BAZ2A: variants seen among roughly 807,000 people sequenced by gnomAD.
The protein encoded by BAZ2A is bromodomain adjacent to zinc finger domain 2A.
In BAZ2A, 34 loss-of-function variants were observed where a neutral mutation model predicts 199.9. That is an observed-to-expected ratio of 0.17 (90% CI 0.13 to 0.23). The LOEUF is 0.23. Ranked by LOEUF, BAZ2A falls within the 10% of genes least tolerant of loss-of-function variation. The probability of loss-of-function intolerance (pLI) is 1.00; values close to 1 mark genes in which losing one functional copy is unlikely to be tolerated. For missense variants in BAZ2A, 2,002 were observed against 2,391.1 expected (o/e 0.84, Z 3.39); for synonymous variants, 857 against 883.9 (o/e 0.97, Z 0.54).
intron 15 of BAZ2A, 132 bp from the exon 16 acceptor site, chr12:56,604,423 G>A: frequency 7.8e-7 from 1 of 1,287,250 alleles, no homozygotes; most frequent in Non-Finnish European, 1.1e-6. Flanking sequence ...AGAAGGCTTA[G>A]GCTCTCCCAG....
intron 3 of BAZ2A, 121 bp downstream of exon 3, chr12:56,614,893 C>T: frequency 1.9e-6 from 2 of 1,053,152 alleles, no homozygotes; most frequent in South Asian, 1.5e-5. Context: ...TAATCACCAA[C>T]ATGCAAATCA....
chr12:56,610,548 A>G (rs755638036), intron 7 of BAZ2A, 31 bp from the exon 8 acceptor site: 5 of 1,588,696 alleles, frequency 3.1e-6, no homozygotes, highest in Admixed American at 1.8e-5. Flanking sequence ...CCCTGCCGCC[A>G]GGTCACACCC....
In BAZ2A at chr12:56,615,587, C is replaced by G; in HGVS notation, c.157G>C (p.Val53Leu). The change falls in exon 3 of 29, where the codon GTT (valine) becomes CTT (leucine). Residue 53 changes from valine to leucine, a missense_variant. Physicochemically the swap from Val to Leu is conservative, Grantham distance 32 (BLOSUM62 1). Around this residue, in one of 6 missense-constraint regions of BAZ2A, gnomAD observed 641 missense variants for 694.5 expected, o/e 0.92. Coordinates refer to ENST00000549884, the MANE Select transcript of BAZ2A (RefSeq NM_001300905.2). ...QGKSLNGDVN[V>L]NGLSTVSHTT... ...TGAGATACAGTAGATAAGCCATTAA[C>G]ATTCACATCCCCATTCAAACCTGGC... 1.2e-6 allele frequency: 2 copies of G among 1,602,554 alleles called. No homozygotes were observed. The highest frequency in any genetic ancestry group is 1.7e-6 in the Non-Finnish European group (2 of 1,173,178).
At chr12:56,599,899 C>T in intron 25 of BAZ2A, 51 bp from the exon 26 acceptor site, 1 of 1,613,214 alleles carries the variant, frequency 6.2e-7, no homozygotes. Flanking sequence ...CTCTACCTGC[C>T]AGTGACCCCA....
chr12:56,621,477 T>C (rs960316697), intron 1 of BAZ2A, among the ~76,000 whole-genome samples: 1 of 152,152 alleles, frequency 6.6e-6, no homozygotes, highest in Non-Finnish European at 1.5e-5. Context: ...GTCAGCACAA[T>C]GTAGTGGGCT....
At chr12:56,635,052 A>G, upstream of BAZ2A, 1 of 984,384 alleles carries the variant, frequency 1.0e-6, no homozygotes, top group Non-Finnish European at 1.2e-6. This position sits in a 1 kb window ranked among gnomAD's most constrained non-coding sequence, Gnocchi z 4.1. Context: ...GCGGCGGCGG[A>G]GGGGAGGAGG....
rs1950556256 is a variant in BAZ2A at position 56,611,493 on chromosome 12, G to A, written c.1670+80C>T. 9.9e-6 allele frequency: 14 copies of A among 1,419,716 alleles called. No homozygotes were observed. In the Middle Eastern group the frequency reaches 5.3e-4, roughly 53 times the overall value. 87.9% of individuals were successfully genotyped at this position (1,419,716 alleles called of 1,614,324 possible). ...GGCCCATTCCTCCCCCACCTCAGAG[G>A]AAAAGAGGCATTCCCTTCTTTCTAG... On this transcript the variant is annotated intron_variant, in intron 7 of 28. Transcript: ENST00000549884.
At chr12:56,633,620 C>G (rs937497745), upstream of BAZ2A, among the ~76,000 whole-genome samples, 2 of 151,768 alleles carry the variant, frequency 1.3e-5, no homozygotes, top group Non-Finnish European at 2.9e-5. Context: ...CCAACTAGAC[C>G]CCCCCACCAG....
intron 7 of BAZ2A, 67 bp downstream of exon 7, chr12:56,611,506 C>T: frequency 6.7e-7 from 1 of 1,487,664 alleles, no homozygotes; most frequent in Non-Finnish European, 9.4e-7. Flanking sequence ...AAGAGGCATT[C>T]CCTTCTTTCT....
At chr12:56,624,269 G>C (rs1421676388) in intron 1 of BAZ2A, among the ~76,000 whole-genome samples, 1 of 151,998 alleles carries the variant, frequency 6.6e-6, no homozygotes, top group Non-Finnish European at 1.5e-5. Context: ...TCCCTAGTCA[G>C]GACTCCAAGT....
chr12:56,634,985 G>C, upstream of BAZ2A: 5 of 984,722 alleles, frequency 5.1e-6, no homozygotes, highest in Non-Finnish European at 6.0e-6. Context: ...GGCGGCGGCA[G>C]AGGCGCAGGT....
chr12:56,600,747 G>GTCTGTC lies in BAZ2A; in HGVS notation c.4530_4535dup (p.Glu1510_Thr1511dup). 3 of 1,613,766 alleles carry GTCTGTC rather than the reference G, an allele frequency of 1.9e-6. No homozygotes were observed. Among genetic ancestry groups the GTCTGTC allele is most frequent in the Non-Finnish European group, 2.5e-6 (3 of 1,179,878 alleles). ...CCTCTACCCATTGAAGCACTGCTAG[G>GTCTGTC]TCTGTCTCGTATGTCTTCTCTTTGG... On this transcript the variant is annotated inframe_insertion, in exon 23 of 29. Transcript: ENST00000549884.
Position 56,615,402 on chromosome 12 carries a change from G to C in BAZ2A, c.342C>G (p.Phe114Leu). Residue 114 changes from phenylalanine (F) to leucine (L), a missense_variant, in exon 3 of 29, where the codon TTC becomes TTG. Transcript: ENST00000549884. ...NLKDPPLLSQ[F>L]SGGQYPLNGI... ...CGTTGAGTGGGTATTGTCCCCCCGA[G>C]AACTGGGAGAGAAGGGGTGGGTCCT... is the stretch of plus-strand genomic sequence containing the variant. 6.2e-7 allele frequency: 1 copy of C among 1,613,460 alleles called. No homozygotes were observed. The highest frequency in any genetic ancestry group is 1.6e-4 in the Middle Eastern group (1 of 6,062).
At chr12:56,603,966 T>C (rs985060354) in intron 16 of BAZ2A, among the ~76,000 whole-genome samples, 77 of 152,078 alleles carry the variant, frequency 5.1e-4, no homozygotes, top group Admixed American at 5.0e-3. Context: ...TGAGCCAAGA[T>C]TGCGCTATCG....
chr12:56,602,178 T>C lies in BAZ2A; in HGVS notation c.3439A>G (p.Ile1147Val). ...TEGNLVPEEVIKKETDSLKVA... is the reference protein window; with the variant it reads ...TEGNLVPEEVVKKETDSLKVA... ...TTTAAGGAGTCAGTTTCCTTCTTTATCACCTCCTCAGGAACTGTAAAGAGA... is the reference window on the plus strand; with the variant it reads ...TTTAAGGAGTCAGTTTCCTTCTTTACCACCTCCTCAGGAACTGTAAAGAGA... The change falls in exon 20 of 29, where the codon ATA becomes GTA. Residue 1147 changes from isoleucine to valine, a missense_variant. Around this residue, in one of 6 missense-constraint regions of BAZ2A, gnomAD observed 1,081 missense variants for 1,274.7 expected, o/e 0.85. Transcript: ENST00000549884. 1 of 1,583,802 alleles carries C rather than the reference T, an allele frequency of 6.3e-7. No homozygotes were observed. The highest frequency in any genetic ancestry group is 8.6e-7 in the Non-Finnish European group (1 of 1,164,142).
Position 56,630,325 on chromosome 12 carries a change from G to A in BAZ2A, c.-203C>T. Reference sequence around the variant, plus strand: ...AGCCAACATGGCCGGCGGGGGAGGAGTGAGTCGGAGCCGGAGGGGGCGGAG... The same window carrying A: ...AGCCAACATGGCCGGCGGGGGAGGAATGAGTCGGAGCCGGAGGGGGCGGAG... On this transcript the variant is annotated 5_prime_UTR_variant, in exon 1 of 29. Transcript: ENST00000549884. 1 of 980,054 alleles carries A rather than the reference G, an allele frequency of 1.0e-6. No individual in the cohort carries two copies. Among genetic ancestry groups the A allele is most frequent in the African/African-American group, 1.7e-5 (1 of 57,186 alleles). 60.7% of individuals were successfully genotyped at this position (980,054 alleles called of 1,614,324 possible).
intron 1 of BAZ2A, among the ~76,000 whole-genome samples, chr12:56,626,393 C>T (rs1168238041): frequency 6.6e-6 from 1 of 152,156 alleles, no homozygotes; most frequent in Non-Finnish European, 1.5e-5. Flanking sequence ...TGGTGCTTGA[C>T]CTCTTCAGTG....
intron 1 of BAZ2A, among the ~76,000 whole-genome samples, chr12:56,636,020 G>A (rs1423426527): frequency 6.6e-6 from 1 of 152,144 alleles, no homozygotes; most frequent in Non-Finnish European, 1.5e-5. Context: ...TCCCGTGGTC[G>A]GCAGCCTCGC....
At chr12:56,632,754 C>A (rs1951349468), upstream of BAZ2A, among the ~76,000 whole-genome samples, 1 of 152,186 alleles carries the variant, frequency 6.6e-6, no homozygotes, top group African/African-American at 2.4e-5. Context: ...TGAGACCCCA[C>A]CTCATCTCAT....
Sources: allele counts gnomAD v4.1 joint callset (sites outside exome capture counted in the v4.1 genomes callset), GRCh38; gene constraint gnomAD v4.1.1; regional missense constraint gnomAD v4.1.1; non-coding constraint Gnocchi (gnomAD v3.1); transcripts MANE v1.5; gene names NCBI Gene and HGNC (gene_info 2026-07-23, HGNC 2026-07-21).